TG: variants seen among roughly 807,000 people sequenced by gnomAD.
The protein encoded by TG is thyroid hormones.
Under a neutral mutation model 324.7 loss-of-function variants are expected in TG, and 270 were observed. That is an observed-to-expected ratio of 0.83 (90% CI 0.75 to 0.92). The LOEUF (loss-of-function observed/expected upper bound fraction) is 0.92. TG is among the 40% of genes least tolerant of loss of function. TG has a pLI of 0.00. For synonymous variants in TG, 1,401 were observed against 1,327.0 expected (o/e 1.06, Z -1.21); for missense variants, 3,591 against 3,456.4 (o/e 1.04, Z -0.98).
chr8:132,955,918 A>T (rs929503379), intron 27 of TG, among the ~76,000 whole-genome samples: 4 of 152,190 alleles, frequency 2.6e-5, no homozygotes, highest in Non-Finnish European at 4.4e-5. Context: ...TCAAGTTCTC[A>T]GTGTGTTTGT....
intron 28 of TG, among the ~76,000 whole-genome samples, chr8:132,962,218 T>G (rs532952974): frequency 6.6e-6 from 1 of 152,204 alleles, no homozygotes; most frequent in African/African-American, 2.4e-5. Context: ...TTTAAAGAGA[T>G]AAAATGAGAT....
chr8:132,959,769 T>G (rs2739079), intron 27 of TG, among the ~76,000 whole-genome samples: 114,901 of 152,112 alleles, frequency 0.76, 43,760 homozygotes, highest in African/African-American at 0.84. Flanking sequence ...TTACTTTATA[T>G]CATGCCTGTG....
intron 41 of TG, among the ~76,000 whole-genome samples, chr8:133,040,908 A>G (rs968408432): frequency 2.0e-5 from 3 of 151,994 alleles, no homozygotes; most frequent in African/African-American, 7.3e-5. Flanking sequence ...AGTTAAATAA[A>G]CCCGTTTCTT....
rs973259430 is a variant in TG at position 132,972,712 on chromosome 8, C to T, written c.6170C>T (p.Thr2057Ile). 6.2e-7 allele frequency: 1 copy of T among 1,613,910 alleles called. No individual in the cohort carries two copies. Among genetic ancestry groups the T allele is most frequent in the African/African-American group, 1.3e-5 (1 of 74,854 alleles). The change falls in exon 34 of 48, where the codon ACC (threonine) becomes ATC (isoleucine). Residue 2057 changes from threonine to isoleucine, a missense_variant. Transcript: ENST00000220616. ...GGCTCTCCTGACATTGAAGTCCACA[C>T]CTATCCCTTCGGATGGTACCAGAAG... ...DCGSPDIEVHTYPFGWYQKPI... is the reference protein window; with the variant it reads ...DCGSPDIEVHIYPFGWYQKPI...
chr8:133,077,341 T>A (rs1845047081), intron 41 of TG, among the ~76,000 whole-genome samples: 2 of 152,106 alleles, frequency 1.3e-5, no homozygotes, highest in African/African-American at 4.8e-5. Context: ...AAAGGCAGGA[T>A]GCAGAGCCCT....
rs144962079 is a variant in TG, at chr8:133,043,438, G to A, written c.7239+13415G>A. Among the ~76,000 whole-genome samples the A allele has an allele frequency of 2.9e-3, 443 of 152,228 alleles. 3 individuals are homozygous for A. Among genetic ancestry groups the A allele is most frequent in the African/African-American group, 9.7e-3 (404 of 41,518 alleles). ...GTTTCCAGGACTCCCTTCCTCTTTC[G>A]TTTTTACCTGGCTGCTAAGTTTTCG... On this transcript the variant is annotated intron_variant, in intron 41 of 47. Transcript: ENST00000220616.
chr8:133,039,873 G>C (rs754656209), intron 41 of TG: 160 of 1,456,218 alleles, frequency 1.1e-4, no homozygotes, highest in Non-Finnish European at 1.4e-4. Flanking sequence ...TTTCAGCAGG[G>C]CTGGCTGACT....
At chr8:132,992,047 A>G (rs891051465) in intron 35 of TG, among the ~76,000 whole-genome samples, 1 of 152,086 alleles carries the variant, frequency 6.6e-6, no homozygotes, top group Non-Finnish European at 1.5e-5. Context: ...CCAATGGAGA[A>G]GTGCTGGGTT....
Position 132,898,992 on chromosome 8 carries a change from C to G in TG, c.3330+82C>G. 2.4e-6 allele frequency: 3 copies of G among 1,228,842 alleles called. No individual in the cohort carries two copies. In the Admixed American group the frequency reaches 5.9e-5, roughly 24 times the overall value. 76.1% of individuals were successfully genotyped at this position (1,228,842 alleles called of 1,614,324 possible). ...GATTTTTCTTTTTGTTCAATACGTT[C>G]AGCTTAGTTAAAAGCTCACATGATG... On this transcript the variant is annotated intron_variant, in intron 14 of 47. Transcript: ENST00000220616.
intron 42 of TG, among the ~76,000 whole-genome samples, chr8:133,095,988 C>T (rs1848348215): frequency 6.6e-6 from 1 of 152,190 alleles, no homozygotes; most frequent in Non-Finnish European, 1.5e-5. Context: ...CTGGGATGCT[C>T]CCCTGGAGAC....
rs1289101054 is a variant in TG at position 132,919,377 on chromosome 8, T to G, written c.4380T>G (p.Val1460=). ...CATCATTTCTCTGTTTTTTTCTAGT[T>G]AAGTGTCCTGAAGGAAGCTATTCCC... is the stretch of plus-strand genomic sequence containing the variant. ...SEASQDGLGC[V]KCPEGSYSQD... The change falls in exon 21 of 48, where the codon GTT becomes GTG. Residue 1460 remains valine (V), a splice_region_variant and synonymous_variant. Coordinates refer to ENST00000220616, the MANE Select transcript of TG (RefSeq NM_003235.5). 1.2e-6 allele frequency: 2 copies of G among 1,613,972 alleles called. No homozygotes were observed. The highest frequency in any genetic ancestry group is 3.3e-5 in the Admixed American group (2 of 60,004).
chr8:133,124,370 G>A (rs1169221830), intron 45 of TG, among the ~76,000 whole-genome samples: 1 of 152,336 alleles, frequency 6.6e-6, no homozygotes, highest in South Asian at 2.1e-4. Flanking sequence ...GGGGGCTGGG[G>A]TATGGCTCTT....
intron 8 of TG, 30 bp from the exon 9 acceptor site, chr8:132,886,418 T>G: frequency 2.5e-6 from 4 of 1,613,838 alleles, no homozygotes; most frequent in Non-Finnish European, 3.4e-6. Flanking sequence ...CATTAAAACC[T>G]TTTCTCCCAT....
Position 132,881,883 on chromosome 8 carries a change from C to T in TG, c.659C>T (p.Thr220Ile), listed in dbSNP as rs1814692963. Reference sequence around the variant, plus strand: ...CCAAGGTTTCCAGATGCATTTGTGACCTTCAGTTCCTTCCAGAGGAGGTTC... The same window carrying T: ...CCAAGGTTTCCAGATGCATTTGTGATCTTCAGTTCCTTCCAGAGGAGGTTC... ...SYNRFPDAFV[T>I]FSSFQRRFPE... The change falls in exon 6 of 48, where the codon ACC (threonine) becomes ATC (isoleucine). Residue 220 changes from threonine (T) to isoleucine (I), a missense_variant. Thr to Ile is a moderately conservative substitution (Grantham distance 89). Transcript: ENST00000220616. 6.2e-7 allele frequency: 1 copy of T among 1,613,756 alleles called. No individual in the cohort carries two copies. The highest frequency in any genetic ancestry group is 1.7e-5 in the Admixed American group (1 of 60,030).
At chr8:133,013,861 G>T in intron 37 of TG, 97 bp downstream of exon 37, 1 of 1,482,678 alleles carries the variant, frequency 6.7e-7, no homozygotes, top group Non-Finnish European at 9.1e-7. Context: ...AGTGGCTTTT[G>T]TTGGCCAAAG....
intron 26 of TG, among the ~76,000 whole-genome samples, chr8:132,948,276 AGAGCAAGAGCGAGAGT>A (rs1825623247): frequency 1.3e-5 from 2 of 152,032 alleles, no homozygotes; most frequent in South Asian, 4.2e-4. Context: ...TGAGAGAGCG[AGAGCAAGAGCGAGAGT>A]GAGCGAGAGC....
At chr8:132,885,169 T>C (rs948724258) in intron 8 of TG, among the ~76,000 whole-genome samples, 2 of 151,710 alleles carry the variant, frequency 1.3e-5, no homozygotes, top group African/African-American at 2.4e-5. Context: ...GAGTTATGAT[T>C]TTATGGAGAA....
chr8:132,961,157 C>T, intron 28 of TG, 84 bp downstream of exon 28: 1 of 1,360,350 alleles, frequency 7.4e-7, no homozygotes, highest in Non-Finnish European at 1.1e-6. Flanking sequence ...ACAGGGCACT[C>T]TATTTCTGTA....
chr8:133,116,587 C>T (rs1289321953), intron 44 of TG, 22 bp from the exon 45 acceptor site: 1 of 1,601,092 alleles, frequency 6.2e-7, no homozygotes. Flanking sequence ...ACCAGACTCC[C>T]CCCATGTTCT....
Sources: gnomAD v4.1 joint callset for allele counts (sites outside exome capture counted in the v4.1 genomes callset) on GRCh38, gnomAD v4.1.1 for gene constraint, MANE v1.5 for transcripts, NCBI Gene and HGNC (gene_info 2026-07-23, HGNC 2026-07-21) for gene names.